Variants in SSBP3 observed in about 807,000 individuals in gnomAD.
The protein encoded by SSBP3 is single-stranded DNA-binding protein 3.
SSBP3 carries 5 observed loss-of-function variants against 69.6 expected under a neutral mutation model. The ratio of observed to expected loss-of-function variants is 0.07; its 90% CI spans 0.04 to 0.15. SSBP3 has a LOEUF of 0.15. Among genes scored for constraint, SSBP3 ranks in the 10% least tolerant of loss-of-function variants. The pLI, the probability that SSBP3 is intolerant of heterozygous loss-of-function variation, is 1.00. For synonymous variants in SSBP3, 196 were observed against 193.4 expected (o/e 1.01, Z -0.11); for missense variants, 312 against 534.0 (o/e 0.58, Z 4.10).
intron 4 of SSBP3, among the ~76,000 whole-genome samples, chr1:54,352,619 C>A (rs951781172): frequency 6.6e-6 from 1 of 152,134 alleles, no homozygotes; most frequent in Non-Finnish European, 1.5e-5. Flanking sequence ...GCGGGATGGC[C>A]GTCATCTCAT....
chr1:54,238,696 G>T (rs41294800), intron 14 of SSBP3: 6 of 310,950 alleles, frequency 1.9e-5, no homozygotes, highest in African/African-American at 8.7e-5. Flanking sequence ...ACAGGCAGGC[G>T]GGTCCCCCAG....
chr1:54,324,792 C>T (rs1214640799), intron 4 of SSBP3, among the ~76,000 whole-genome samples: 2 of 152,150 alleles, frequency 1.3e-5, no homozygotes, highest in African/African-American at 2.4e-5. Context: ...TGATTTAGTA[C>T]GCTGGCCCCT....
chr1:54,404,836 T>C, intron 2 of SSBP3, 22 bp downstream of exon 2: 1 of 1,383,168 alleles, frequency 7.2e-7, no homozygotes, highest in Non-Finnish European at 1.0e-6. Flanking sequence ...AGAAATTGGA[T>C]GCTGGGGGGA....
intron 4 of SSBP3, among the ~76,000 whole-genome samples, chr1:54,385,160 C>T (rs376978237): frequency 8.5e-5 from 13 of 152,204 alleles, no homozygotes; most frequent in African/African-American, 3.1e-4. Context: ...AGTCCCTCCC[C>T]AGATGGACTA....
intron 4 of SSBP3, among the ~76,000 whole-genome samples, chr1:54,289,020 C>CAAAAAAAAAAACAAAAAA (rs1645546750): frequency 4.6e-5 from 2 of 43,918 alleles, no homozygotes; most frequent in Admixed American, 3.5e-4. Flanking sequence ...ACTCTGTCTC[C>CAAAAAAAAAAACAAAAAA]AAAAAAAAAA....
intron 14 of SSBP3, chr1:54,237,820 A>G (rs1021444458): frequency 1.1e-5 from 3 of 276,188 alleles, no homozygotes; most frequent in South Asian, 7.8e-5. Flanking sequence ...TGCTGCTAAC[A>G]TGCATGACTG....
chr1:54,370,145 C>A (rs182780116), intron 4 of SSBP3, among the ~76,000 whole-genome samples: 144 of 152,290 alleles, frequency 9.5e-4, no homozygotes, highest in African/African-American at 3.3e-3. Context: ...AATCACCATG[C>A]ACCTCCCTAA....
intron 4 of SSBP3, among the ~76,000 whole-genome samples, chr1:54,310,620 G>A (rs866273317): frequency 1.1e-4 from 17 of 151,826 alleles, no homozygotes; most frequent in African/African-American, 4.1e-4. Flanking sequence ...AGTTTTAATT[G>A]GGGTAAGTGG....
chr1:54,254,264 AC>A (rs1332005857), intron 7 of SSBP3, among the ~76,000 whole-genome samples: 1 of 152,170 alleles, frequency 6.6e-6, no homozygotes, highest in African/African-American at 2.4e-5. Flanking sequence ...TGCCCAGGAA[AC>A]GGACAAATCC....
chr1:54,367,700 G>A (rs1233316284), intron 4 of SSBP3, among the ~76,000 whole-genome samples: 1 of 152,190 alleles, frequency 6.6e-6, no homozygotes, highest in African/African-American at 2.4e-5. Flanking sequence ...TTTGCTAGGA[G>A]CAACACTAGG....
intron 4 of SSBP3, among the ~76,000 whole-genome samples, chr1:54,291,943 C>T (rs1280741033): frequency 6.6e-6 from 1 of 152,212 alleles, no homozygotes; most frequent in African/African-American, 2.4e-5. Context: ...TCTGGAGCCC[C>T]TGGAAGGCTG....
chr1:54,396,749 T>G (rs1443801336), intron 4 of SSBP3, among the ~76,000 whole-genome samples: 1 of 152,180 alleles, frequency 6.6e-6, no homozygotes, highest in Non-Finnish European at 1.5e-5. Context: ...ACACTGCTGC[T>G]CTGGGAGTTC....
intron 4 of SSBP3, among the ~76,000 whole-genome samples, chr1:54,354,166 G>C (rs1431110395): frequency 6.6e-6 from 1 of 152,252 alleles, no homozygotes; most frequent in African/African-American, 2.4e-5. Context: ...ACTGTCTGCA[G>C]ACTCTACAGC....
At chr1:54,321,539 T>C (rs1646213542) in intron 4 of SSBP3, among the ~76,000 whole-genome samples, 1 of 152,228 alleles carries the variant, frequency 6.6e-6, no homozygotes, top group Non-Finnish European at 1.5e-5. Flanking sequence ...CACAAACAAG[T>C]AGGGCAACTC....
intron 4 of SSBP3, among the ~76,000 whole-genome samples, chr1:54,294,771 G>T (rs1645675277): frequency 6.6e-6 from 1 of 152,168 alleles, no homozygotes; most frequent in Non-Finnish European, 1.5e-5. Context: ...CTCTGAAGAC[G>T]AGTGTCTGCT....
At chr1:54,232,684 A>G (rs908038452) in intron 14 of SSBP3, among the ~76,000 whole-genome samples, 154 of 145,984 alleles carry the variant, frequency 1.1e-3, no homozygotes, top group Non-Finnish European at 1.9e-3. Context: ...GCTCACTGCA[A>G]CCTCCCTGCC....
At chr1:54,347,250 G>A (rs923521071) in intron 4 of SSBP3, among the ~76,000 whole-genome samples, 12 of 151,546 alleles carry the variant, frequency 7.9e-5, no homozygotes, top group Non-Finnish European at 1.5e-4. Context: ...TTAGAGGTGT[G>A]AGCCACCGTG....
intron 4 of SSBP3, among the ~76,000 whole-genome samples, chr1:54,295,973 TGCAGGACTGTTGGTTCCAAAAAA>T (rs1209832194): frequency 6.6e-6 from 1 of 152,256 alleles, no homozygotes; most frequent in African/African-American, 2.4e-5. Context: ...GTTATCTCCC[TGCAGGACTGTTGGTTCCAAAAAA>T]GTGGAATCCA....
chr1:54,322,987 C>A (rs960135186), intron 4 of SSBP3, among the ~76,000 whole-genome samples: 5 of 152,212 alleles, frequency 3.3e-5, no homozygotes, highest in Non-Finnish European at 7.3e-5. Context: ...GGGTTTCGTT[C>A]ACTGAACTCT....
Sources: allele counts gnomAD v4.1 joint callset (sites outside exome capture counted in the v4.1 genomes callset), GRCh38; gene constraint gnomAD v4.1.1; transcripts MANE v1.5; gene names NCBI Gene and HGNC (gene_info 2026-07-23, HGNC 2026-07-21).